Variants in PFKL observed in about 807,000 individuals in gnomAD.
PFKL encodes the protein ATP-dependent 6-phosphofructokinase, liver type.
PFKL carries 74 observed loss-of-function variants against 92.1 expected under a neutral mutation model. That is an observed-to-expected ratio of 0.80 (90% CI 0.67 to 0.97). The LOEUF (loss-of-function observed/expected upper bound fraction) is 0.97, where lower values mean the gene tolerates loss of function less well. Among genes scored for constraint, PFKL ranks in the 50% least tolerant of loss-of-function variants. The pLI, the probability that PFKL is intolerant of heterozygous loss-of-function variation, is 0.00. For synonymous variants in PFKL, 494 were observed against 456.4 expected (o/e 1.08, Z -1.05); for missense variants, 1,028 against 1,116.6 (o/e 0.92, Z 1.13).
chr21:44,318,100 A>G (rs1219223446), intron 9 of PFKL, among the ~76,000 whole-genome samples: 2 of 152,240 alleles, frequency 1.3e-5, no homozygotes, highest in Non-Finnish European at 2.9e-5. Flanking sequence ...CAGGGAAGTC[A>G]CGACATGAGG....
chr21:44,302,358 A>AT (rs1249453277), intron 1 of PFKL, among the ~76,000 whole-genome samples: 1 of 152,198 alleles, frequency 6.6e-6, no homozygotes, highest in African/African-American at 2.4e-5. Flanking sequence ...GCTGGGGCTG[A>AT]TTCATGGAGG....
intron 10 of PFKL, 74 bp from the exon 11 acceptor site, chr21:44,319,277 C>T: frequency 7.5e-7 from 1 of 1,325,700 alleles, no homozygotes; most frequent in Non-Finnish European, 1.1e-6. Flanking sequence ...TCGTCAGGCC[C>T]ACCAGACAGG....
intron 9 of PFKL, among the ~76,000 whole-genome samples, chr21:44,317,607 C>T (rs543249630): frequency 6.6e-6 from 1 of 152,298 alleles, no homozygotes; most frequent in East Asian, 1.9e-4. Flanking sequence ...GGGTGTGAAA[C>T]AAAGGACAGT....
rs758148006 is a variant in PFKL at position 44,306,736 on chromosome 21, A to G, written c.141A>G (p.Lys47=). ...GCATGGGCATTTATGTGGGTGCCAAAGTCTTCCTCATCTACGAGGTAAGGC... is the reference window on the plus strand; with the variant it reads ...GCATGGGCATTTATGTGGGTGCCAAGGTCTTCCTCATCTACGAGGTAAGGC... The part of the protein sequence containing the change: ...VTRMGIYVGA[K]VFLIYEGYEG... The change falls in exon 2 of 22, where the codon AAA becomes AAG. Residue 47 remains lysine, a synonymous_variant. Transcript: ENST00000349048. 12 of 1,613,840 alleles carry G rather than the reference A, an allele frequency of 7.4e-6. No homozygotes were observed. The East Asian group carries it at 2.7e-4, about 36-fold the overall frequency.
intron 2 of PFKL, 77 bp downstream of exon 2, chr21:44,306,831 G>A: frequency 1.6e-6 from 2 of 1,283,982 alleles, no homozygotes; most frequent in South Asian, 1.2e-5. Context: ...TTCTGTGTGG[G>A]TCACACTGGG....
chr21:44,311,262 GCA>G (rs1292138222), intron 3 of PFKL, among the ~76,000 whole-genome samples, 179 bp downstream of exon 3: 1 of 144,742 alleles, frequency 6.9e-6, no homozygotes, highest in Non-Finnish European at 1.5e-5. Flanking sequence ...ACAGATGCGT[GCA>G]CACACAGACC....
chr21:44,323,664 A>G, intron 15 of PFKL, 102 bp from the exon 16 acceptor site: 2 of 1,273,362 alleles, frequency 1.6e-6, no homozygotes. Context: ...GGCACATGAC[A>G]GGTCAGCAGG....
At chr21:44,320,337 G>C in intron 12 of PFKL, 190 bp downstream of exon 12, 1 of 518,994 alleles carries the variant, frequency 1.9e-6, no homozygotes, top group Non-Finnish European at 3.5e-6. Flanking sequence ...GGTCCCGGGT[G>C]CTGGGACCCT....
Position 44,321,887 on chromosome 21 carries a change from C to T in PFKL, c.1338+12C>T, listed in dbSNP as rs759745636. On this transcript the variant is annotated intron_variant, in intron 13 of 21. Coordinates refer to ENST00000349048, the MANE Select transcript of PFKL (RefSeq NM_002626.6). ...TAGCCAAGGGTCAGGTGGGTCCGGC[C>T]GGGGCAAACAAGTGAGGACTTGGGC... The T allele has an allele frequency of 6.6e-6, 10 of 1,521,934 alleles. No individual in the cohort carries two copies. The highest frequency in any genetic ancestry group is 3.9e-5 in the South Asian group (3 of 77,398). The allele number at this position is 1,521,934 out of a possible 1,614,324, so 94.3% of individuals were successfully genotyped here.
intron 4 of PFKL, among the ~76,000 whole-genome samples, chr21:44,312,754 G>A (rs1045794915): frequency 7.9e-5 from 12 of 152,176 alleles, no homozygotes; most frequent in Admixed American, 6.5e-4. Flanking sequence ...GGCCTTGGCC[G>A]CTCTGCAAGG....
intron 1 of PFKL, chr21:44,305,994 G>A (rs2040926980): frequency 4.1e-6 from 5 of 1,206,948 alleles, no homozygotes; most frequent in African/African-American, 2.4e-5. Context: ...GCTGAGGCCG[G>A]AGGGGCTCTG....
At chr21:44,315,832 A>T (rs1053392345) in intron 7 of PFKL, 16 of 237,408 alleles carry the variant, frequency 6.7e-5, no homozygotes, top group Non-Finnish European at 1.3e-4. Context: ...CAGGGGCCCC[A>T]GGTACCTGGC....
chr21:44,320,020 T>C, intron 11 of PFKL, 64 bp from the exon 12 acceptor site: 1 of 1,456,938 alleles, frequency 6.9e-7, no homozygotes, highest in Non-Finnish European at 9.6e-7. Context: ...CTGTCACGGC[T>C]GCGCTGTGGC....
intron 1 of PFKL, chr21:44,304,474 T>G: frequency 8.4e-7 from 1 of 1,188,588 alleles, no homozygotes; most frequent in South Asian, 1.5e-5. Context: ...GGACCTGTGG[T>G]GGGACCAGGT....
rs1016954367 is a variant in PFKL at position 44,313,736 on chromosome 21, A to G, written c.638+54A>G. The G allele has an allele frequency of 1.1e-5, 17 of 1,548,160 alleles. No individual in the cohort carries two copies. The African/African-American group carries it at 1.9e-4, about 17-fold the overall frequency. ...TGGCCCGGGTGCTGCTGGGGACCGC[A>G]GTGACAGGTGTGGCATATTTATTCT... On this transcript the variant is annotated intron_variant, in intron 6 of 21. Transcript: ENST00000349048.
In PFKL at chr21:44,314,021, G is replaced by A. The variant is rs2146467004; in HGVS notation, c.747G>A (p.Glu249=). 1.9e-6 allele frequency: 3 copies of A among 1,597,276 alleles called. No individual in the cohort carries two copies. The highest frequency in any genetic ancestry group is 1.3e-5 in the African/African-American group (1 of 74,924). Residue 249 remains glutamate (E), a splice_region_variant and synonymous_variant, in exon 7 of 22, where the codon GAG becomes GAA. Coordinates refer to ENST00000349048, the MANE Select transcript of PFKL (RefSeq NM_002626.6). ...ACTTCATGTGTGAGAGGCTGGGTGAGGTGGGTGCCGTCCAGCCTGCTGGGG... is the reference window on the plus strand; with the variant it reads ...ACTTCATGTGTGAGAGGCTGGGTGAAGTGGGTGCCGTCCAGCCTGCTGGGG... ...WENFMCERLG[E]TRSRGSRLNI...
intron 7 of PFKL, 134 bp downstream of exon 7, chr21:44,314,155 G>A: frequency 1.5e-6 from 1 of 671,284 alleles, no homozygotes; most frequent in Non-Finnish European, 2.6e-6. Context: ...TGCCCCTTGG[G>A]GGCGGGACAC....
rs376047821 is a variant in PFKL, at chr21:44,323,910, G to T, written c.1642G>T (p.Ala548Ser). 1 of 1,613,334 alleles carries T rather than the reference G, an allele frequency of 6.2e-7. No homozygotes were observed. Among genetic ancestry groups the T allele is most frequent in the Non-Finnish European group, 8.5e-7 (1 of 1,179,930 alleles). ...GGGCTCCGACACTGCTGTAAATGCC[G>T]CCATGGAGGTACGGGGCTCCTGGAC... ...SLGSDTAVNA[A>S]MESCDRIKQS... Residue 548 changes from alanine (A) to serine (S), a missense_variant, in exon 16 of 22, where the codon GCC (alanine) becomes TCC (serine). Coordinates refer to ENST00000349048, the MANE Select transcript of PFKL (RefSeq NM_002626.6).
At chr21:44,321,928 T>C (rs981861200) in intron 13 of PFKL, 53 bp downstream of exon 13, 7 of 1,511,958 alleles carry the variant, frequency 4.6e-6, no homozygotes, top group African/African-American at 4.2e-5. Context: ...GTGTGCACAC[T>C]TGGGGCATTT....
Sources: gnomAD v4.1 joint callset for allele counts (sites outside exome capture counted in the v4.1 genomes callset) on GRCh38, gnomAD v4.1.1 for gene constraint, MANE v1.5 for transcripts, NCBI Gene and HGNC (gene_info 2026-07-23, HGNC 2026-07-21) for gene names.